The following DOCK4 variants were observed in gnomAD, a reference collection of about 807,000 sequenced individuals.
DOCK4 encodes dedicator of cytokinesis protein 4.
Under a neutral mutation model 268.1 loss-of-function variants are expected in DOCK4, and 97 were observed. The ratio of observed to expected loss-of-function variants is 0.36; its 90% confidence interval spans 0.31 to 0.43. The LOEUF (loss-of-function observed/expected upper bound fraction) is 0.43, where lower values mean the gene tolerates loss of function less well. Ranked by LOEUF, DOCK4 falls within the 20% of genes least tolerant of loss-of-function variation. The pLI, the probability that DOCK4 is intolerant of heterozygous loss-of-function variation, is 1.00. For missense variants in DOCK4, 2,145 were observed against 2,455.7 expected (o/e 0.87, Z 2.67); for synonymous variants, 954 against 887.2 (o/e 1.08, Z -1.34).
chr7:112,005,829 A>G (rs899227204), intron 1 of DOCK4, among the ~76,000 whole-genome samples: 2 of 152,010 alleles, frequency 1.3e-5, no homozygotes, highest in African/African-American at 2.4e-5. Flanking sequence ...CTTTTTCCTC[A>G]TCACCTTCTT....
rs774842462 is a variant in DOCK4, at chr7:111,867,995, A to T, written c.2269T>A (p.Ser757Thr). 1.9e-6 allele frequency: 3 copies of T among 1,599,982 alleles called. No individual in the cohort carries two copies. The highest frequency in any genetic ancestry group is 8.5e-7 in the Non-Finnish European group (1 of 1,175,046). ...TGAAAAGAAATTACCTGTGACTGAG[A>T]TAATGCTCCAGACCCTTTGCTCTCT... ...SQESKGSGALSQSQAVFLSSF... is the reference protein window; with the variant it reads ...SQESKGSGALTQSQAVFLSSF... The change falls in exon 22 of 53, where the codon TCT becomes ACT. Residue 757 changes from serine (S) to threonine (T), a missense_variant. Transcript: ENST00000428084.
intron 1 of DOCK4, among the ~76,000 whole-genome samples, chr7:112,189,531 C>A (rs1280838420): frequency 1.3e-5 from 2 of 152,040 alleles, no homozygotes; most frequent in African/African-American, 2.4e-5. Context: ...GGTGTAAATA[C>A]CCTATTAAAA....
chr7:112,070,999 TAACAA>T (rs1311823507), intron 1 of DOCK4, among the ~76,000 whole-genome samples: 1 of 152,006 alleles, frequency 6.6e-6, no homozygotes, highest in Non-Finnish European at 1.5e-5. Context: ...AAACAAAACA[TAACAA>T]AACAAAAAGC....
intron 23 of DOCK4, among the ~76,000 whole-genome samples, chr7:111,851,770 G>A (rs544663963): frequency 8.5e-5 from 13 of 152,084 alleles, no homozygotes; most frequent in Non-Finnish European, 1.5e-4. Flanking sequence ...ATTGTTTTAC[G>A]GATCATATTA....
chr7:112,054,234 CAG>C (rs1805625055), intron 1 of DOCK4, among the ~76,000 whole-genome samples: 1 of 152,114 alleles, frequency 6.6e-6, no homozygotes, highest in African/African-American at 2.4e-5. Flanking sequence ...ACCTCCACCT[CAG>C]AACTGGGTCA....
At chr7:111,746,799 C>T (rs1441081277) in intron 43 of DOCK4, among the ~76,000 whole-genome samples, 2 of 143,320 alleles carry the variant, frequency 1.4e-5, no homozygotes, top group Non-Finnish European at 3.0e-5. Flanking sequence ...ATCATCTAAG[C>T]AAGATCGGTC....
chr7:112,111,102 G>T (rs849015), intron 1 of DOCK4, among the ~76,000 whole-genome samples: 65,583 of 152,094 alleles, frequency 0.43, 15,794 homozygotes, highest in South Asian at 0.59. Context: ...TGTCATTGAG[G>T]TACAGGAAGA....
intron 33 of DOCK4, 52 bp downstream of exon 33, chr7:111,784,045 A>G: frequency 6.3e-7 from 1 of 1,576,392 alleles, no homozygotes; most frequent in South Asian, 1.2e-5. Context: ...TAAATGCCTT[A>G]GCAACCACTG....
At chr7:111,810,224 C>T (rs567049837) in intron 28 of DOCK4, among the ~76,000 whole-genome samples, 4 of 152,054 alleles carry the variant, frequency 2.6e-5, no homozygotes, top group Non-Finnish European at 5.9e-5. Context: ...GAGGCCGAGG[C>T]GGGTGGATCA....
At chr7:111,763,300 C>G (rs1016072703) in intron 39 of DOCK4, among the ~76,000 whole-genome samples, 1 of 152,056 alleles carries the variant, frequency 6.6e-6, no homozygotes, top group Non-Finnish European at 1.5e-5. Flanking sequence ...AAATCCAAGA[C>G]CAGACTAGAA....
At chr7:111,772,012 C>T (rs1459349543) in intron 36 of DOCK4, among the ~76,000 whole-genome samples, 2 of 152,172 alleles carry the variant, frequency 1.3e-5, no homozygotes, top group East Asian at 3.9e-4. Context: ...GTCCTTCCCA[C>T]GGCTGCCCAC....
intron 1 of DOCK4, among the ~76,000 whole-genome samples, chr7:112,154,952 A>G (rs1312305167): frequency 1.3e-5 from 2 of 152,236 alleles, no homozygotes; most frequent in Non-Finnish European, 2.9e-5. Context: ...AAACAACACC[A>G]TATTGACATA....
chr7:112,074,248 T>C (rs373364911), intron 1 of DOCK4, among the ~76,000 whole-genome samples: 5 of 152,336 alleles, frequency 3.3e-5, no homozygotes, highest in African/African-American at 7.2e-5. Context: ...GCAGGATTAA[T>C]ATTTTTGCAG....
chr7:111,960,289 G>A (rs1391789708), intron 8 of DOCK4, among the ~76,000 whole-genome samples: 1 of 151,026 alleles, frequency 6.6e-6, no homozygotes, highest in Non-Finnish European at 1.5e-5. Context: ...GCTTGAACCC[G>A]GGAGGCAGAG....
In DOCK4 at chr7:112,004,121, A is replaced by G. The variant is rs1308832875; in HGVS notation, c.48T>C (p.Ser16=). 6.3e-7 allele frequency: 1 copy of G among 1,584,956 alleles called. No homozygotes were observed. Among genetic ancestry groups the G allele is most frequent in the Non-Finnish European group, 8.6e-7 (1 of 1,164,418 alleles). The part of the protein sequence containing the change: ...EHEKYGVVIA[S]FRGTVPYGLS... ...GGCCATATGGAACGGTTCCTCGGAAACTGGCAATAACTGTAAAAAATGATA... is the reference window on the plus strand; with the variant it reads ...GGCCATATGGAACGGTTCCTCGGAAGCTGGCAATAACTGTAAAAAATGATA... The change falls in exon 2 of 53, where the codon AGT becomes AGC. Residue 16 remains serine, a synonymous_variant. Transcript: ENST00000428084.
At chr7:111,845,907 T>TATATAAAGAA in intron 24 of DOCK4, among the ~76,000 whole-genome samples, 1 of 152,306 alleles carries the variant, frequency 6.6e-6, no homozygotes, top group South Asian at 2.1e-4. Context: ...CTTTATATAA[T>TATATAAAGAA]TTTATAGAGG....
chr7:112,188,916 G>A (rs1682809934), intron 1 of DOCK4, among the ~76,000 whole-genome samples: 1 of 152,084 alleles, frequency 6.6e-6, no homozygotes, highest in South Asian at 2.1e-4. Context: ...GAACAATGAC[G>A]AGGGTTCCTG....
At chr7:111,935,419 A>T in intron 12 of DOCK4, 121 bp downstream of exon 12, 1 of 824,256 alleles carries the variant, frequency 1.2e-6, no homozygotes, top group East Asian at 2.5e-5. Context: ...GAGCATTTTT[A>T]AAGTTAGGGA....
intron 51 of DOCK4, among the ~76,000 whole-genome samples, chr7:111,733,753 G>A (rs545950751): frequency 2.6e-5 from 4 of 152,238 alleles, no homozygotes; most frequent in South Asian, 2.1e-4. Context: ...TATGTACATC[G>A]TGAATGAGAT....
Sources: gnomAD v4.1 joint callset for allele counts (sites outside exome capture counted in the v4.1 genomes callset) on GRCh38, gnomAD v4.1.1 for gene constraint, MANE v1.5 for transcripts, NCBI Gene and HGNC (gene_info 2026-07-23, HGNC 2026-07-21) for gene names.